The following DNM2 variants were observed in gnomAD, a reference collection of about 807,000 sequenced individuals.
DNM2 encodes the protein dynamin 2.
In DNM2, 15 loss-of-function variants were observed where a neutral mutation model predicts 99.0. The ratio of observed to expected loss-of-function variants is 0.15; its 90% confidence interval spans 0.10 to 0.23. The LOEUF is 0.23. DNM2 is among the 10% of genes least tolerant of loss of function. The pLI is 1.00. For missense variants in DNM2, 742 were observed against 1,189.4 expected (o/e 0.62, Z 5.53); for synonymous variants, 525 against 481.2 (o/e 1.09, Z -1.19).
rs140944896 is a variant in DNM2 at position 10,732,707 on chromosome 19, TTA to T, written c.161+14320_161+14321del. ...CAGTCTGTGGCTCTTGCCAGATTTT[TTA>T]TATATATATATATATTTCTAGGTGT... On this transcript the variant is annotated intron_variant, in intron 1 of 20. Coordinates refer to ENST00000389253, the MANE Select transcript of DNM2 (RefSeq NM_001005361.3). 2.3e-3 allele frequency among the ~76,000 whole-genome samples: 326 copies of T among 138,976 alleles called. 3 individuals are homozygous for T. Among genetic ancestry groups the T allele is most frequent in the Admixed American group, 5.5e-3 (78 of 14,226 alleles). 91.2% of individuals were successfully genotyped at this position (138,976 alleles called of 152,430 possible). A position where few individuals can be genotyped will look rare whatever the true frequency, so the allele number is the denominator to read the frequency against.
At chr19:10,776,747 C>T (rs1599531815) in intron 4 of DNM2, among the ~76,000 whole-genome samples, 1 of 152,322 alleles carries the variant, frequency 6.6e-6, no homozygotes, top group African/African-American at 2.4e-5. Context: ...TCAAATGTTC[C>T]CTTGGGACTT....
chr19:10,729,779 G>T (rs1348308186), intron 1 of DNM2, among the ~76,000 whole-genome samples: 6 of 152,200 alleles, frequency 3.9e-5, no homozygotes, highest in Admixed American at 2.0e-4. Flanking sequence ...GTCACTTCAG[G>T]GTATGTCTAG....
At chr19:10,813,636 C>T (rs2072629213) in intron 15 of DNM2, among the ~76,000 whole-genome samples, 1 of 151,722 alleles carries the variant, frequency 6.6e-6, no homozygotes, top group Non-Finnish European at 1.5e-5. Context: ...CCAGTTTGAG[C>T]AACATAGCAT....
chr19:10,772,760 A>T lies in DNM2; in HGVS notation c.385+132A>T, dbSNP rs572803790. 1 of 1,362,668 alleles carries T rather than the reference A, an allele frequency of 7.3e-7. No individual in the cohort carries two copies. 84.4% of individuals were successfully genotyped at this position (1,362,668 alleles called of 1,614,324 possible). On this transcript the variant is annotated intron_variant, in intron 3 of 20. Transcript: ENST00000389253. The surrounding 1 kb of genome is among the most constrained non-coding windows in gnomAD (Gnocchi z 4.9). Reference sequence around the variant, plus strand: ...ACAAACAGTTGATATTCACACACACATAGCCCCTTGATCTGTATCTTCCCA... The same window carrying T: ...ACAAACAGTTGATATTCACACACACTTAGCCCCTTGATCTGTATCTTCCCA...
At chr19:10,783,357 C>T (rs2071440617) in intron 6 of DNM2, among the ~76,000 whole-genome samples, 1 of 152,176 alleles carries the variant, frequency 6.6e-6, no homozygotes, top group South Asian at 2.1e-4. Flanking sequence ...GTCCCAGGTA[C>T]TCAGGAGGCT....
Position 10,779,564 on chromosome 19 carries a change from C to T in DNM2, c.688+2348C>T, listed in dbSNP as rs1444636874. ...ATTCTGTCACCTAGGCTGGAGTGCACTGGGACAATCATAGCTCACTGTAGC... is the reference window on the plus strand; with the variant it reads ...ATTCTGTCACCTAGGCTGGAGTGCATTGGGACAATCATAGCTCACTGTAGC... On this transcript the variant is annotated intron_variant, in intron 5 of 20. Coordinates refer to ENST00000389253, the MANE Select transcript of DNM2 (RefSeq NM_001005361.3). 3.4e-5 allele frequency among the ~76,000 whole-genome samples: 4 copies of T among 119,104 alleles called. No homozygotes were observed. In the Admixed American group the frequency reaches 4.6e-4, roughly 14 times the overall value. 78.1% of individuals were successfully genotyped at this position (119,104 alleles called of 152,430 possible).
intron 14 of DNM2, chr19:10,810,878 G>C (rs1258513495): frequency 4.6e-5 from 7 of 152,780 alleles, no homozygotes; most frequent in Admixed American, 3.9e-4. Flanking sequence ...CAGACTGCCA[G>C]ACCTTTGGTG....
rs2146209802 is a variant in DNM2 at position 10,830,169 on chromosome 19, T to C, written c.2334T>C (p.Pro778=). 1 of 1,613,642 alleles carries C rather than the reference T, an allele frequency of 6.2e-7. No individual in the cohort carries two copies. The highest frequency in any genetic ancestry group is 8.5e-7 in the Non-Finnish European group (1 of 1,179,708). ...GACCGGTGTCCAGCATACACCCCCCTGGCCGGCCCCCAGCAGTGAGGGGCC... is the reference window on the plus strand; with the variant it reads ...GACCGGTGTCCAGCATACACCCCCCCGGCCGGCCCCCAGCAGTGAGGGGCC... ...QRRPVSSIHP[P]GRPPAVRGPT... is the part of the protein sequence containing the mutation. The change falls in exon 20 of 21, where the codon CCT becomes CCC. Residue 778 remains proline, a synonymous_variant. Coordinates refer to ENST00000389253, the MANE Select transcript of DNM2 (RefSeq NM_001005361.3). This position sits in a 1 kb window ranked among gnomAD's most constrained non-coding sequence, Gnocchi z 4.8.
chr19:10,780,574 G>T (rs753257829), intron 5 of DNM2, among the ~76,000 whole-genome samples: 1 of 152,150 alleles, frequency 6.6e-6, no homozygotes, highest in Non-Finnish European at 1.5e-5. Flanking sequence ...TCAGGCTTCA[G>T]AAGCCCTCCC....
intron 11 of DNM2, among the ~76,000 whole-genome samples, chr19:10,800,124 T>C (rs2072084784): frequency 6.6e-6 from 1 of 152,262 alleles, no homozygotes. Context: ...CCCAAAGTGC[T>C]GGGATGACAG....
At position 10,778,791 on chromosome 19, in the gene DNM2, T is replaced by C. The variant is rs376189337; in HGVS notation, c.688+1575T>C. 7.4e-4 allele frequency among the ~76,000 whole-genome samples: 112 copies of C among 152,304 alleles called. 2 individuals are homozygous for C. The South Asian group carries it at 0.023, about 31-fold the overall frequency. Reference sequence around the variant, plus strand: ...CATTTGTGGAAGAAACCAGACCACATCCCACATTTGGGATTTGGCCAATTA... The same window carrying C: ...CATTTGTGGAAGAAACCAGACCACACCCCACATTTGGGATTTGGCCAATTA... On this transcript the variant is annotated intron_variant, in intron 5 of 20. Transcript: ENST00000389253.
chr19:10,794,763 C>A (rs1043523971), intron 8 of DNM2, among the ~76,000 whole-genome samples: 6 of 151,498 alleles, frequency 4.0e-5, no homozygotes, highest in African/African-American at 7.3e-5. Context: ...ACAAAAAAAA[C>A]AAAAAGAAAG....
At chr19:10,774,394 C>T (rs2071080622) in intron 3 of DNM2, among the ~76,000 whole-genome samples, 1 of 152,192 alleles carries the variant, frequency 6.6e-6, no homozygotes, top group South Asian at 2.1e-4. Context: ...GTTTATCACT[C>T]CTTTTCCTTA....
In DNM2 at chr19:10,760,827, A is replaced by ATTTTTTTTTTT. The variant is rs57290103; in HGVS notation, c.235+1023_235+1033dup. 1.5e-4 allele frequency among the ~76,000 whole-genome samples: 6 copies of ATTTTTTTTTTT among 41,266 alleles called. 2 individuals carry two copies. The highest frequency in any genetic ancestry group is 2.5e-4 in the Non-Finnish European group (6 of 24,156). 27.1% of individuals were successfully genotyped at this position (41,266 alleles called of 152,430 possible). On this transcript the variant is annotated intron_variant, in intron 2 of 20. Coordinates refer to ENST00000389253, the MANE Select transcript of DNM2 (RefSeq NM_001005361.3). The stretch of plus-strand genomic sequence containing the variant: ...GTGCACACACCACCACACCCAGCTG[A>ATTTTTTTTTTT]TTTTTTTTTTTTTTTTTGGTAGAGA...
At chr19:10,766,967 G>A (rs2070817644) in intron 2 of DNM2, among the ~76,000 whole-genome samples, 1 of 152,140 alleles carries the variant, frequency 6.6e-6, no homozygotes, top group African/African-American at 2.4e-5. Context: ...GGGTGACAGT[G>A]GGGGTGTGTG....
intron 7 of DNM2, among the ~76,000 whole-genome samples, chr19:10,790,759 T>C (rs570510324): frequency 3.0e-3 from 450 of 152,272 alleles, no homozygotes; most frequent in African/African-American, 0.01. Flanking sequence ...TGAGCCACCA[T>C]GCCCGGACCT....
rs775552757 is a variant in DNM2 at position 10,786,682 on chromosome 19, C to A, written c.968C>A (p.Thr323Asn). Residue 323 changes from threonine (T) to asparagine (N), a missense_variant, in exon 7 of 21, where the codon ACC (threonine) becomes AAC (asparagine). Physicochemically the swap from Thr to Asn is moderately conservative, Grantham distance 65. Coordinates refer to ENST00000389253, the MANE Select transcript of DNM2 (RefSeq NM_001005361.3). ...EYKNFRPDDP[T>N]RKTKALLQMV... ...AAGAACTTTCGGCCCGACGACCCCA[C>A]CCGCAAAACCAAAGCCCTGCTGCAG... 2 of 1,614,166 alleles carry A rather than the reference C, an allele frequency of 1.2e-6. No individual in the cohort carries two copies. Among genetic ancestry groups the A allele is most frequent in the South Asian group, 2.2e-5 (2 of 91,084 alleles).
chr19:10,757,212 T>C (rs2070420028), intron 1 of DNM2, among the ~76,000 whole-genome samples: 1 of 152,070 alleles, frequency 6.6e-6, no homozygotes, highest in South Asian at 2.1e-4. Flanking sequence ...CGATCCCTTT[T>C]CTCATGCAGT....
At position 10,796,851 on chromosome 19, in the gene DNM2, G is replaced by C. The variant is rs1039180653; in HGVS notation, c.1197-529G>C. On this transcript the variant is annotated intron_variant, in intron 9 of 20. Coordinates refer to ENST00000389253, the MANE Select transcript of DNM2 (RefSeq NM_001005361.3). The surrounding 1 kb of genome is among the most constrained non-coding windows in gnomAD (Gnocchi z 5.6). The stretch of plus-strand genomic sequence containing the variant: ...CTCCCCCAACCCGCGCCAACGCCGC[G>C]GGCCTGGTTCCCAGGGCAGCACGCT... Among the ~76,000 whole-genome samples the C allele has an allele frequency of 4.6e-5, 7 of 151,974 alleles. No individual in the cohort carries two copies. Among genetic ancestry groups the C allele is most frequent in the African/African-American group, 1.7e-4 (7 of 41,366 alleles).
Sources: gnomAD v4.1 joint callset for allele counts (sites outside exome capture counted in the v4.1 genomes callset) on GRCh38, gnomAD v4.1.1 for gene constraint, Gnocchi (gnomAD v3.1) non-coding constraint, MANE v1.5 for transcripts, NCBI Gene and HGNC (gene_info 2026-07-23, HGNC 2026-07-21) for gene names.